ARHGAP26: variants seen among roughly 807,000 people sequenced by gnomAD.
ARHGAP26 encodes rho GTPase-activating protein 26.
In ARHGAP26, 38 loss-of-function variants were observed where a neutral mutation model predicts 104.8. That is an observed-to-expected ratio of 0.36 (90% CI 0.28 to 0.48). The LOEUF (loss-of-function observed/expected upper bound fraction) is 0.48, where lower values mean the gene tolerates loss of function less well. Among genes scored for constraint, ARHGAP26 ranks in the 20% least tolerant of loss-of-function variants. ARHGAP26 has a pLI of 0.99. For synonymous variants in ARHGAP26, 341 were observed against 340.0 expected, an observed-to-expected ratio of 1.00 and a Z score of -0.03; for missense variants, 704 against 947.9, an observed-to-expected ratio of 0.74 and a Z score of 3.38.
At chr5:142,959,030 A>G (rs1239574882) in intron 11 of ARHGAP26, among the ~76,000 whole-genome samples, 1 of 152,230 alleles carries the variant, frequency 6.6e-6, no homozygotes, top group Non-Finnish European at 1.5e-5. Flanking sequence ...GAGCTTGAGA[A>G]GACCTTAATA....
At chr5:143,163,099 A>C (rs258788) in intron 20 of ARHGAP26, among the ~76,000 whole-genome samples, 3 of 152,012 alleles carry the variant, frequency 2.0e-5, no homozygotes, top group South Asian at 2.1e-4. Context: ...TGGGTGACAC[A>C]GTAAGACCTC....
At chr5:143,005,038 A>C (rs1777739231) in intron 11 of ARHGAP26, among the ~76,000 whole-genome samples, 1 of 152,100 alleles carries the variant, frequency 6.6e-6, no homozygotes, top group Non-Finnish European at 1.5e-5. Context: ...TTTCTCCTTC[A>C]CTCTAGAGTT....
At chr5:142,854,563 T>C (rs1431179925) in intron 1 of ARHGAP26, among the ~76,000 whole-genome samples, 1 of 152,242 alleles carries the variant, frequency 6.6e-6, no homozygotes, top group African/African-American at 2.4e-5. Flanking sequence ...TATATGACAC[T>C]GTTATAATAT....
At chr5:143,081,870 C>T (rs558651788) in intron 17 of ARHGAP26, among the ~76,000 whole-genome samples, 6 of 152,102 alleles carry the variant, frequency 3.9e-5, no homozygotes, top group East Asian at 1.9e-4. Flanking sequence ...AAAAATTAGC[C>T]GGGCGTGGTG....
chr5:142,878,409 A>G (rs1756435806), intron 3 of ARHGAP26, among the ~76,000 whole-genome samples: 2 of 152,156 alleles, frequency 1.3e-5, no homozygotes, highest in Non-Finnish European at 2.9e-5. Flanking sequence ...TCAAGAATTA[A>G]TCCATTCATT....
chr5:142,995,031 CTT>C (rs1249153006), intron 11 of ARHGAP26, among the ~76,000 whole-genome samples: 4 of 152,204 alleles, frequency 2.6e-5, no homozygotes, highest in African/African-American at 9.7e-5. Flanking sequence ...GGATTAAAGA[CTT>C]AAACGTAAGA....
rs757204903 is a variant in ARHGAP26, at chr5:143,134,049, C to T, written c.1781C>T (p.Pro594Leu). The change falls in exon 19 of 23, where the codon CCG (proline) becomes CTG (leucine). Residue 594 changes from proline to leucine, a missense_variant. This residue lies in a region of ARHGAP26 where 217 missense variants were observed against 242.6 expected (regional missense o/e 0.89). Transcript: ENST00000645722. ...SRKKSSDSKP[P>L]SCSERPLTLF... ...AAGAAGAGCAGTGACTCCAAGCCCC[C>T]GTCCTGCAGCGAGAGGCCCCTGACG... The T allele has an allele frequency of 5.0e-6, 8 of 1,612,918 alleles. No homozygotes were observed. The highest frequency in any genetic ancestry group is 2.2e-5 in the South Asian group (2 of 90,790).
chr5:143,163,026 G>T (rs1005783951), intron 20 of ARHGAP26, among the ~76,000 whole-genome samples: 1 of 152,082 alleles, frequency 6.6e-6, no homozygotes, highest in Admixed American at 6.6e-5. Context: ...CTGAGGGGAG[G>T]ATTGTTTGAG....
At chr5:143,056,483 T>A (rs945805803) in intron 16 of ARHGAP26, among the ~76,000 whole-genome samples, 4 of 152,112 alleles carry the variant, frequency 2.6e-5, no homozygotes, top group African/African-American at 9.7e-5. Flanking sequence ...TTACCTAAAT[T>A]GAGCATTGGA....
At chr5:142,954,379 A>G (rs955510252) in intron 11 of ARHGAP26, among the ~76,000 whole-genome samples, 1 of 152,220 alleles carries the variant, frequency 6.6e-6, no homozygotes, top group Non-Finnish European at 1.5e-5. Context: ...CTTATAATTG[A>G]AAATTCCCAA....
Position 143,226,553 on chromosome 5 carries a change from A to C in ARHGAP26, c.*4107A>C, listed in dbSNP as rs991791766. On this transcript the variant is annotated 3_prime_UTR_variant, in exon 23 of 23. Transcript: ENST00000645722. ...CAGCTGGTTTCAAATCCCTGCCCCC[A>C]GGCAAGTAAAACCCTGACTTGCTCA... 11 of 199,460 alleles carry C rather than the reference A, an allele frequency of 5.5e-5. No individual in the cohort carries two copies. The highest frequency in any genetic ancestry group is 4.2e-4 in the Admixed American group (7 of 16,550). The allele number at this position is 199,460 out of a possible 1,614,324, so 12.4% of individuals were successfully genotyped here. A position where few individuals can be genotyped will look rare whatever the true frequency, so the allele number is the denominator to read the frequency against.
intron 17 of ARHGAP26, chr5:143,058,013 A>G (rs1786102045): frequency 3.2e-6 from 2 of 621,822 alleles, no homozygotes; most frequent in Non-Finnish European, 6.2e-6. Context: ...TATGGTGATC[A>G]AGGGCAAATT....
chr5:142,949,199 G>A lies in ARHGAP26; in HGVS notation c.1107+17074G>A, dbSNP rs1197365702. Among the ~76,000 whole-genome samples the A allele has an allele frequency of 2.0e-3, 66 of 33,752 alleles. 6 individuals carry two copies. Among genetic ancestry groups the A allele is most frequent in the South Asian group, 5.0e-3 (3 of 596 alleles). 22.1% of individuals were successfully genotyped at this position (33,752 alleles called of 152,430 possible). A position where few individuals can be genotyped will look rare whatever the true frequency, so the allele number is the denominator to read the frequency against. On this transcript the variant is annotated intron_variant, in intron 11 of 22. Coordinates refer to ENST00000645722, the MANE Select transcript of ARHGAP26 (RefSeq NM_001135608.3). Reference sequence around the variant, plus strand: ...AGAGAGAGAGAGAGAGAGAGAGAGAGAGAGAGAGAGAGAGAGAGAGAGGAG... The same window carrying A: ...AGAGAGAGAGAGAGAGAGAGAGAGAAAGAGAGAGAGAGAGAGAGAGAGGAG...
intron 1 of ARHGAP26, among the ~76,000 whole-genome samples, chr5:142,815,518 T>C (rs980740160): frequency 6.6e-6 from 1 of 152,278 alleles, no homozygotes; most frequent in African/African-American, 2.4e-5. Flanking sequence ...GTTAGTTTTA[T>C]TGGTTAAAAA....
intron 1 of ARHGAP26, among the ~76,000 whole-genome samples, chr5:142,796,024 A>G (rs1760914219): frequency 1.3e-5 from 2 of 151,568 alleles, no homozygotes; most frequent in African/African-American, 4.9e-5. Context: ...AACATGCTGT[A>G]TAATTTACTT....
intron 12 of ARHGAP26, among the ~76,000 whole-genome samples, chr5:143,021,919 C>T (rs1780390264): frequency 6.6e-6 from 1 of 152,136 alleles, no homozygotes; most frequent in Admixed American, 6.5e-5. Flanking sequence ...TCATTTAATC[C>T]TCGTTACTGT....
chr5:142,837,725 G>C (rs1299281067), intron 1 of ARHGAP26, among the ~76,000 whole-genome samples: 2 of 152,116 alleles, frequency 1.3e-5, no homozygotes, highest in African/African-American at 4.8e-5. Flanking sequence ...TGGGCATCAT[G>C]GTTTATGAGA....
At chr5:142,808,001 C>T (rs1032734904) in intron 1 of ARHGAP26, among the ~76,000 whole-genome samples, 6 of 151,776 alleles carry the variant, frequency 4.0e-5, no homozygotes, top group African/African-American at 7.3e-5. Flanking sequence ...TTTGGGAGGC[C>T]GAGGCGGGCG....
At chr5:142,898,279 TTTC>T (rs1759774450) in intron 6 of ARHGAP26, among the ~76,000 whole-genome samples, 1 of 152,126 alleles carries the variant, frequency 6.6e-6, no homozygotes. Context: ...AAGCTTTAAT[TTTC>T]TTGTCACAGT....
Sources: gnomAD v4.1 joint callset for allele counts (sites outside exome capture counted in the v4.1 genomes callset) on GRCh38, gnomAD v4.1.1 for gene constraint, gnomAD v4.1.1 regional missense constraint, MANE v1.5 for transcripts, NCBI Gene and HGNC (gene_info 2026-07-23, HGNC 2026-07-21) for gene names.